DIP2B: variants seen among roughly 807,000 people sequenced by gnomAD.
The protein encoded by DIP2B is DIP2 acetate--CoA ligase B (putative).
In DIP2B, 76 loss-of-function variants were observed where a neutral mutation model predicts 198.0. That is an observed-to-expected ratio of 0.38 (90% confidence interval 0.32 to 0.46). The LOEUF (loss-of-function observed/expected upper bound fraction) is 0.46. DIP2B is among the 20% of genes least tolerant of loss of function. The probability of loss-of-function intolerance (pLI) is 0.99; values close to 1 mark genes in which losing one functional copy is unlikely to be tolerated. For missense variants in DIP2B, 1,559 were observed against 1,978.4 expected, an observed-to-expected ratio of 0.79 and a Z score of 4.02; for synonymous variants, 701 against 739.1, an observed-to-expected ratio of 0.95 and a Z score of 0.84.
intron 8 of DIP2B, 22 bp downstream of exon 8, chr12:50,678,898 TC>T: frequency 6.2e-7 from 1 of 1,613,600 alleles, no homozygotes; most frequent in Non-Finnish European, 8.5e-7. Context: ...AGATTCCAGA[TC>T]CTTCTCTCCT....
chr12:50,538,941 A>G (rs924376961), intron 1 of DIP2B, among the ~76,000 whole-genome samples: 4 of 152,044 alleles, frequency 2.6e-5, no homozygotes, highest in African/African-American at 9.7e-5. Flanking sequence ...GTCTTACTCA[A>G]CTGCTGTTGT....
chr12:50,615,362 A>G (rs1005335977), intron 1 of DIP2B, among the ~76,000 whole-genome samples: 12 of 152,048 alleles, frequency 7.9e-5, no homozygotes, highest in African/African-American at 2.9e-4. Context: ...ATTTACATAT[A>G]TGCATTTTAA....
chr12:50,729,296 C>A (rs1939994423), intron 30 of DIP2B, among the ~76,000 whole-genome samples: 1 of 152,178 alleles, frequency 6.6e-6, no homozygotes, highest in African/African-American at 2.4e-5. Flanking sequence ...AAACATGGGT[C>A]TTATCTTCAG....
At chr12:50,645,611 C>T (rs1197250834) in intron 3 of DIP2B, among the ~76,000 whole-genome samples, 3 of 152,056 alleles carry the variant, frequency 2.0e-5, no homozygotes, top group African/African-American at 4.8e-5. Context: ...GCACATGCTA[C>T]TGTGCCAGGT....
intron 1 of DIP2B, among the ~76,000 whole-genome samples, chr12:50,577,389 C>T (rs1455839850): frequency 6.6e-6 from 1 of 151,980 alleles, no homozygotes; most frequent in Non-Finnish European, 1.5e-5. Flanking sequence ...AAAAATTTAG[C>T]CAGGCGTGGT....
chr12:50,622,146 G>T (rs368544912), intron 1 of DIP2B, among the ~76,000 whole-genome samples: 1 of 152,146 alleles, frequency 6.6e-6, no homozygotes, highest in African/African-American at 2.4e-5. Context: ...TGTGAGTGGC[G>T]AATGGAACAG....
intron 32 of DIP2B, among the ~76,000 whole-genome samples, chr12:50,733,051 G>A (rs1266441397): frequency 2.0e-5 from 3 of 151,728 alleles, no homozygotes; most frequent in African/African-American, 4.8e-5. Flanking sequence ...GATTACAGGC[G>A]TGTACCACCA....
intron 22 of DIP2B, among the ~76,000 whole-genome samples, chr12:50,709,036 C>T (rs1301355704): frequency 1.3e-5 from 2 of 152,178 alleles, no homozygotes; most frequent in African/African-American, 2.4e-5. Flanking sequence ...ATGCTTTGGG[C>T]ACAGTCTAAG....
At chr12:50,690,373 A>C (rs1939204282) in intron 12 of DIP2B, among the ~76,000 whole-genome samples, 1 of 152,184 alleles carries the variant, frequency 6.6e-6, no homozygotes. Context: ...GGCGTGAGCC[A>C]CCGCACCCAG....
At chr12:50,695,706 G>A in intron 15 of DIP2B, 142 bp from the exon 16 acceptor site, 2 of 1,188,942 alleles carry the variant, frequency 1.7e-6, no homozygotes, top group Non-Finnish European at 2.3e-6. Flanking sequence ...TGAGCTATTG[G>A]CACAATCTCT....
In DIP2B at chr12:50,572,290, C is replaced by G. The variant is rs539047204; in HGVS notation, c.101-53686C>G. On this transcript the variant is annotated intron_variant, in intron 1 of 37. Coordinates refer to ENST00000301180, the MANE Select transcript of DIP2B (RefSeq NM_173602.3). ...CCTCAAACTTTGTTGAGTACATGCC[C>G]TCCTCCCTTTTAAAATTACATCTTG... 1.6e-3 allele frequency among the ~76,000 whole-genome samples: 251 copies of G among 152,240 alleles called. 1 individual carries two copies. The highest frequency in any genetic ancestry group is 4.9e-3 in the African/African-American group (202 of 41,546).
At chr12:50,532,936 T>C (rs187697624) in intron 1 of DIP2B, among the ~76,000 whole-genome samples, 1 of 152,324 alleles carries the variant, frequency 6.6e-6, no homozygotes, top group Admixed American at 6.5e-5. Context: ...CCTCTGGCCC[T>C]CACCGGGCTG....
chr12:50,526,469 A>G (rs996446257), intron 1 of DIP2B, among the ~76,000 whole-genome samples: 2 of 152,008 alleles, frequency 1.3e-5, no homozygotes, highest in African/African-American at 4.8e-5. Flanking sequence ...TTCATTTGGT[A>G]TTTATTATGC....
chr12:50,676,611 T>C (rs1011824326), intron 7 of DIP2B, among the ~76,000 whole-genome samples: 1 of 152,228 alleles, frequency 6.6e-6, no homozygotes, highest in Non-Finnish European at 1.5e-5. Flanking sequence ...ATTGGCAGAA[T>C]AGAACTAACA....
intron 14 of DIP2B, among the ~76,000 whole-genome samples, chr12:50,693,530 TCA>T (rs1237313620): frequency 2.6e-5 from 4 of 152,174 alleles, no homozygotes; most frequent in African/African-American, 4.8e-5. Flanking sequence ...GCCTCTAGTC[TCA>T]CTTTCTTGAT....
intron 1 of DIP2B, among the ~76,000 whole-genome samples, chr12:50,593,728 CT>C: frequency 1.1e-3 from 5 of 4,570 alleles, no homozygotes; most frequent in Non-Finnish European, 1.0e-3. Flanking sequence ...CTCCTCTCCT[CT>C]CCTCTCCTCT....
At chr12:50,731,295 G>A (rs878866378) in intron 30 of DIP2B, 74 bp from the exon 31 acceptor site, 2 of 1,537,558 alleles carry the variant, frequency 1.3e-6, no homozygotes, top group South Asian at 2.5e-5. Flanking sequence ...AATATCTGTG[G>A]AATTGGTGGG....
intron 1 of DIP2B, among the ~76,000 whole-genome samples, chr12:50,581,574 C>T (rs58727108): frequency 5.4e-5 from 8 of 149,222 alleles, no homozygotes; most frequent in Non-Finnish European, 7.4e-5. Context: ...ACCATATACC[C>T]TAGGAGGGGC....
At chr12:50,519,474 C>A (rs749332970) in intron 1 of DIP2B, among the ~76,000 whole-genome samples, 72 of 152,156 alleles carry the variant, frequency 4.7e-4, no homozygotes, top group Non-Finnish European at 9.1e-4. Flanking sequence ...ATGTACTTGT[C>A]TTTTGTTGTG....
Sources: allele counts gnomAD v4.1 joint callset (sites outside exome capture counted in the v4.1 genomes callset), GRCh38; gene constraint gnomAD v4.1.1; transcripts MANE v1.5; gene names NCBI Gene and HGNC (gene_info 2026-07-23, HGNC 2026-07-21).